HEATR5A: variants seen among roughly 807,000 people sequenced by gnomAD.
HEATR5A encodes HEAT repeat containing 5A.
Under a neutral mutation model 218.8 loss-of-function variants are expected in HEATR5A, and 178 were observed. The observed-to-expected ratio is 0.81, with a 90% confidence interval of 0.72 to 0.92. The LOEUF (loss-of-function observed/expected upper bound fraction) is 0.92. Ranked by LOEUF, HEATR5A falls within the 40% of genes least tolerant of loss-of-function variation. The pLI, the probability that HEATR5A is intolerant of heterozygous loss-of-function variation, is 0.00. For synonymous variants in HEATR5A, 864 were observed against 871.6 expected (o/e 0.99, Z 0.15); for missense variants, 2,420 against 2,418.9 (o/e 1.00, Z -0.01).
chr14:31,359,396 T>C (rs919327687), intron 14 of HEATR5A, among the ~76,000 whole-genome samples: 2 of 151,862 alleles, frequency 1.3e-5, no homozygotes, highest in Non-Finnish European at 2.9e-5. Context: ...AAAGCAGATA[T>C]GTTTTTTAAA....
At chr14:31,411,914 G>GGT (rs1218726775) in intron 1 of HEATR5A, among the ~76,000 whole-genome samples, 1 of 151,954 alleles carries the variant, frequency 6.6e-6, no homozygotes, top group African/African-American at 2.4e-5. Flanking sequence ...AGAGTGCAGT[G>GGT]GTGTAATCTT....
chr14:31,377,003 T>C (rs960470610), intron 11 of HEATR5A, among the ~76,000 whole-genome samples: 4 of 151,998 alleles, frequency 2.6e-5, no homozygotes, highest in African/African-American at 7.3e-5. Context: ...TGTAAACCTA[T>C]AGTCCTAGCT....
chr14:31,296,472 G>A (rs1003936487), intron 33 of HEATR5A: 1 of 159,488 alleles, frequency 6.3e-6, no homozygotes. Flanking sequence ...TACACATGAC[G>A]CTCAGTATAT....
At chr14:31,323,397 A>C (rs936478135) in intron 24 of HEATR5A, among the ~76,000 whole-genome samples, 168 bp downstream of exon 24, 1 of 152,150 alleles carries the variant, frequency 6.6e-6, no homozygotes, top group Non-Finnish European at 1.5e-5. Context: ...CCTGGGCTCA[A>C]GTGATCCTCC....
intron 33 of HEATR5A, among the ~76,000 whole-genome samples, chr14:31,299,448 A>G (rs77271170): frequency 0.035 from 5,358 of 152,298 alleles, 294 homozygotes; most frequent in African/African-American, 0.12. Flanking sequence ...GGCCAGACAC[A>G]GTGGCTCATG....
Position 31,306,732 on chromosome 14 carries a change from C to T in HEATR5A, c.4966G>A (p.Val1656Ile), listed in dbSNP as rs1899567181. 6.2e-7 allele frequency: 1 copy of T among 1,607,924 alleles called. No homozygotes were observed. The highest frequency in any genetic ancestry group is 8.5e-7 in the Non-Finnish European group (1 of 1,176,536). ...HVKEKRRSAEVDDGAAEKETL... is the reference protein window; with the variant it reads ...HVKEKRRSAEIDDGAAEKETL... ...CTCGGCATTAAAGGTTAACATTTAC[C>T]TTCTGCACTTCGTCTTTTTTCCTTC... The change falls in exon 31 of 36, where the codon GTT becomes ATT. Residue 1656 changes from valine to isoleucine, a missense_variant and splice_region_variant. Transcript: ENST00000543095.
At chr14:31,405,521 C>T (rs1237649763) in intron 1 of HEATR5A, among the ~76,000 whole-genome samples, 1 of 152,132 alleles carries the variant, frequency 6.6e-6, no homozygotes, top group Non-Finnish European at 1.5e-5. Context: ...TTTAAAAAAC[C>T]CTCCTTTCCT....
intron 21 of HEATR5A, among the ~76,000 whole-genome samples, chr14:31,342,037 C>T (rs1374167420): frequency 1.3e-5 from 2 of 152,034 alleles, no homozygotes; most frequent in Non-Finnish European, 1.5e-5. Context: ...TGACCCAGAT[C>T]TAAAAAAATA....
At chr14:31,300,627 A>G (rs1194044602) in intron 33 of HEATR5A, among the ~76,000 whole-genome samples, 1 of 152,164 alleles carries the variant, frequency 6.6e-6, no homozygotes, top group African/African-American at 2.4e-5. Flanking sequence ...GGAGCAGTCC[A>G]CATTTGAAGT....
Position 31,309,322 on chromosome 14 carries a change from G to T in HEATR5A, c.4442-140C>A, listed in dbSNP as rs1418655817. The T allele has an allele frequency of 6.2e-6, 5 of 804,210 alleles. No homozygotes were observed. The African/African-American group carries it at 8.7e-5, about 14-fold the overall frequency. The allele number at this position is 804,210 out of a possible 1,614,324, so 49.8% of individuals were successfully genotyped here. A position where few individuals can be genotyped will look rare whatever the true frequency, so the allele number is the denominator to read the frequency against. ...TTCAGTCAGTTCCCTATACCCTAAG[G>T]CAACTACTTTCTAGTTTTTATCAGC... is the stretch of plus-strand genomic sequence containing the variant. On this transcript the variant is annotated intron_variant, in intron 28 of 35. Coordinates refer to ENST00000543095, the MANE Select transcript of HEATR5A (RefSeq NM_015473.4).
intron 1 of HEATR5A, among the ~76,000 whole-genome samples, chr14:31,419,380 T>A (rs1270996857): frequency 1.3e-5 from 2 of 152,236 alleles, no homozygotes; most frequent in African/African-American, 4.8e-5. Flanking sequence ...CTAAAATGTT[T>A]GGAAAATTAA....
intron 16 of HEATR5A, among the ~76,000 whole-genome samples, chr14:31,357,460 C>G (rs1415273681): frequency 6.6e-6 from 1 of 152,142 alleles, no homozygotes; most frequent in African/African-American, 2.4e-5. Context: ...ATGAATGAAT[C>G]AGTGCGGATG....
intron 9 of HEATR5A, among the ~76,000 whole-genome samples, 158 bp downstream of exon 9, chr14:31,386,262 A>C (rs2030215272): frequency 6.6e-6 from 1 of 152,184 alleles, no homozygotes; most frequent in South Asian, 2.1e-4. Flanking sequence ...AAAACTAAAC[A>C]ATATACATCT....
intron 2 of HEATR5A, among the ~76,000 whole-genome samples, chr14:31,401,354 C>T (rs111979621): frequency 0.01 from 1,572 of 152,274 alleles, 24 homozygotes; most frequent in African/African-American, 0.035. Flanking sequence ...CCCTTCCTGC[C>T]ATGATGTGAA....
intron 12 of HEATR5A, among the ~76,000 whole-genome samples, chr14:31,372,901 T>C (rs1566772477): frequency 6.8e-6 from 1 of 148,086 alleles, no homozygotes; most frequent in Admixed American, 6.7e-5. Flanking sequence ...TCTCTCTCTC[T>C]CCCTCCCTCC....
chr14:31,372,499 T>C (rs925140623), intron 12 of HEATR5A, among the ~76,000 whole-genome samples: 13 of 152,160 alleles, frequency 8.5e-5, no homozygotes, highest in African/African-American at 2.9e-4. Flanking sequence ...CTTTCTATAA[T>C]GAATTACTTT....
At chr14:31,401,441 C>T (rs1243418111) in intron 2 of HEATR5A, among the ~76,000 whole-genome samples, 1 of 152,206 alleles carries the variant, frequency 6.6e-6, no homozygotes, top group Non-Finnish European at 1.5e-5. Flanking sequence ...GCCTGTTAAG[C>T]TTGCATATCT....
intron 9 of HEATR5A, among the ~76,000 whole-genome samples, chr14:31,384,804 G>A (rs1033514833): frequency 3.9e-5 from 6 of 152,018 alleles, no homozygotes; most frequent in Admixed American, 1.3e-4. Flanking sequence ...TGGATTACAG[G>A]CATGAGCCAC....
chr14:31,294,418 C>A (rs1369512076), intron 34 of HEATR5A, among the ~76,000 whole-genome samples: 1 of 128,188 alleles, frequency 7.8e-6, no homozygotes, highest in Non-Finnish European at 1.6e-5. Flanking sequence ...CACCAAAACC[C>A]CTCCTGTAAC....
Sources: gnomAD v4.1 joint callset for allele counts (sites outside exome capture counted in the v4.1 genomes callset) on GRCh38, gnomAD v4.1.1 for gene constraint, MANE v1.5 for transcripts, NCBI Gene and HGNC (gene_info 2026-07-23, HGNC 2026-07-21) for gene names.